Variants in NCOA1 observed in about 807,000 individuals in gnomAD.
NCOA1 encodes Hin-2 protein.
Under a neutral mutation model 150.9 loss-of-function variants are expected in NCOA1, and 35 were observed. The ratio of observed to expected loss-of-function variants is 0.23; its 90% CI spans 0.18 to 0.31. The LOEUF is 0.31. Ranked by LOEUF, NCOA1 falls within the 10% of genes least tolerant of loss-of-function variation. The pLI is 1.00. For synonymous variants in NCOA1, 590 were observed against 630.0 expected (o/e 0.94, Z 0.95); for missense variants, 1,491 against 1,749.3 (o/e 0.85, Z 2.63).
chr2:24,674,827 T>C (rs1449668313), intron 7 of NCOA1, among the ~76,000 whole-genome samples: 1 of 152,232 alleles, frequency 6.6e-6, no homozygotes, highest in Non-Finnish European at 1.5e-5. Flanking sequence ...CTGCATTATC[T>C]GACTCTAACC....
intron 1 of NCOA1, among the ~76,000 whole-genome samples, chr2:24,559,917 G>A (rs548686364): frequency 1.2e-4 from 18 of 152,258 alleles, no homozygotes; most frequent in Admixed American, 3.9e-4. Flanking sequence ...ATGGATTTTT[G>A]CCAGGACCTT....
At chr2:24,727,679 T>C (rs1662766909) in intron 15 of NCOA1, among the ~76,000 whole-genome samples, 1 of 152,248 alleles carries the variant, frequency 6.6e-6, no homozygotes, top group Non-Finnish European at 1.5e-5. Flanking sequence ...ATTTTGTATA[T>C]ATTTCTGTTT....
At chr2:24,731,188 C>G (rs1406392992) in intron 17 of NCOA1, among the ~76,000 whole-genome samples, 1 of 152,022 alleles carries the variant, frequency 6.6e-6, no homozygotes. Context: ...TGGAGACTTA[C>G]TAATTCAGGA....
At chr2:24,493,732 A>C (rs899832204) in intron 1 of NCOA1, among the ~76,000 whole-genome samples, 6 of 152,052 alleles carry the variant, frequency 3.9e-5, no homozygotes, top group African/African-American at 1.4e-4. Context: ...CCAGGGTTTC[A>C]TTTCTAGAAA....
At chr2:24,668,216 G>GA (rs1671519103) in intron 6 of NCOA1, among the ~76,000 whole-genome samples, 1 of 152,002 alleles carries the variant, frequency 6.6e-6, no homozygotes, top group Non-Finnish European at 1.5e-5. Flanking sequence ...ATTAATCCCA[G>GA]AAAAAGAGAA....
At position 24,739,421 on chromosome 2, in the gene NCOA1, T is replaced by C; in HGVS notation, c.3202-11T>C. ...GTAGAAATATATCTTATTGTTTCCA[T>C]TTTTCTCTAGTTGATACACCAAAAT... On this transcript the variant is annotated splice_polypyrimidine_tract_variant and intron_variant, in intron 17 of 22. Coordinates refer to ENST00000348332, the MANE Select transcript of NCOA1 (RefSeq NM_003743.5). The C allele has an allele frequency of 6.3e-7, 1 of 1,588,310 alleles. No individual in the cohort carries two copies. Among genetic ancestry groups the C allele is most frequent in the Non-Finnish European group, 8.6e-7 (1 of 1,156,792 alleles).
intron 1 of NCOA1, among the ~76,000 whole-genome samples, chr2:24,522,922 G>A (rs1664477206): frequency 6.6e-6 from 1 of 152,162 alleles, no homozygotes; most frequent in South Asian, 2.1e-4. Flanking sequence ...TGAGTATTGA[G>A]AATTATCTTA....
chr2:24,768,000 T>C (rs1665153610), intron 22 of NCOA1: 1 of 1,460,774 alleles, frequency 6.8e-7, no homozygotes, highest in Admixed American at 1.7e-5. Flanking sequence ...GCGTGACCAT[T>C]CCAATTTTGA....
chr2:24,575,561 A>AT (rs1006141531), intron 2 of NCOA1, among the ~76,000 whole-genome samples: 1 of 143,254 alleles, frequency 7.0e-6, no homozygotes, highest in Non-Finnish European at 1.5e-5. Flanking sequence ...TAAAGAGGCC[A>AT]TTTTTTTTCT....
At chr2:24,638,785 G>A (rs975824219) in intron 3 of NCOA1, among the ~76,000 whole-genome samples, 4 of 151,982 alleles carry the variant, frequency 2.6e-5, no homozygotes, top group Admixed American at 1.3e-4. Flanking sequence ...ATGACTTTTG[G>A]TCATTTGTAT....
chr2:24,537,310 A>G (rs1338232956), intron 1 of NCOA1, among the ~76,000 whole-genome samples: 2 of 151,820 alleles, frequency 1.3e-5, no homozygotes, highest in Non-Finnish European at 2.9e-5. Flanking sequence ...GAAAAAGAAG[A>G]TCCTGCCATT....
chr2:24,693,179 A>T, intron 9 of NCOA1, 73 bp from the exon 10 acceptor site: 1 of 1,412,932 alleles, frequency 7.1e-7, no homozygotes, highest in Non-Finnish European at 1.0e-6. Flanking sequence ...TATGAAAACC[A>T]TTAATGGCGA....
chr2:24,578,775 G>T (rs1334376640), intron 2 of NCOA1, among the ~76,000 whole-genome samples: 1 of 151,992 alleles, frequency 6.6e-6, no homozygotes, highest in Non-Finnish European at 1.5e-5. Flanking sequence ...TTACTCTTGG[G>T]AATTGACCCT....
intron 1 of NCOA1, among the ~76,000 whole-genome samples, chr2:24,561,107 A>C (rs894043065): frequency 6.6e-6 from 1 of 152,224 alleles, no homozygotes; most frequent in Non-Finnish European, 1.5e-5. Context: ...AAAAAGTAAG[A>C]TGCAAAACTG....
intron 5 of NCOA1, among the ~76,000 whole-genome samples, chr2:24,662,842 G>A (rs1214599484): frequency 1.3e-5 from 2 of 151,682 alleles, no homozygotes; most frequent in Non-Finnish European, 2.9e-5. Flanking sequence ...GGCTGGAGTG[G>A]AGCAGCACAG....
intron 1 of NCOA1, among the ~76,000 whole-genome samples, chr2:24,553,579 G>A (rs537600214): frequency 4.4e-4 from 67 of 152,244 alleles, no homozygotes; most frequent in African/African-American, 1.6e-3. Flanking sequence ...TGTTAATGTG[G>A]CGTATTACAT....
intron 1 of NCOA1, among the ~76,000 whole-genome samples, chr2:24,537,668 G>A (rs1665217711): frequency 6.6e-6 from 1 of 152,072 alleles, no homozygotes; most frequent in South Asian, 2.1e-4. Context: ...GATGAACAAC[G>A]CAAAGATCAA....
intron 3 of NCOA1, among the ~76,000 whole-genome samples, chr2:24,621,504 G>A (rs1015342727): frequency 1.7e-5 from 2 of 117,462 alleles, no homozygotes; most frequent in African/African-American, 6.7e-5. Flanking sequence ...GTTTCACTCC[G>A]TCTCAAGGCT....
intron 1 of NCOA1, among the ~76,000 whole-genome samples, chr2:24,504,086 T>C (rs1314675503): frequency 1.3e-5 from 2 of 151,308 alleles, no homozygotes; most frequent in Non-Finnish European, 2.9e-5. Context: ...TAAATTATAG[T>C]AGATGGAGAC....
Sources: gnomAD v4.1 joint callset for allele counts (sites outside exome capture counted in the v4.1 genomes callset) on GRCh38, gnomAD v4.1.1 for gene constraint, MANE v1.5 for transcripts, NCBI Gene and HGNC (gene_info 2026-07-23, HGNC 2026-07-21) for gene names.